FAM184B: variants seen among roughly 807,000 people sequenced by gnomAD.
The protein encoded by FAM184B is protein FAM184B.
Under a neutral mutation model 135.9 loss-of-function variants are expected in FAM184B, and 111 were observed. The ratio of observed to expected loss-of-function variants is 0.82; its 90% CI spans 0.70 to 0.96. The LOEUF (loss-of-function observed/expected upper bound fraction) is 0.96, where lower values mean the gene tolerates loss of function less well. FAM184B is among the 40% of genes least tolerant of loss of function. FAM184B has a pLI of 0.00. For synonymous variants in FAM184B, 552 were observed against 524.8 expected, an observed-to-expected ratio of 1.05 and a Z score of -0.71; for missense variants, 1,375 against 1,323.9, an observed-to-expected ratio of 1.04 and a Z score of -0.60.
At position 17,734,372 on chromosome 4, in the gene FAM184B, A is replaced by G. The variant is rs917090716; in HGVS notation, c.142-24728T>C. Among the ~76,000 whole-genome samples the G allele has an allele frequency of 9.2e-3, 1,402 of 152,268 alleles. 23 individuals are homozygous for G. The highest frequency in any genetic ancestry group is 0.031 in the African/African-American group (1,285 of 41,544). ...AAAGAGCTTCTGCACAGCAAAAGAA[A>G]CTACCATCAGAGTGAACAGGCAACC... On this transcript the variant is annotated intron_variant, in intron 1 of 17. Coordinates refer to ENST00000265018, the MANE Select transcript of FAM184B (RefSeq NM_015688.2).
At chr4:17,661,563 A>G (rs1715921673) in intron 8 of FAM184B, among the ~76,000 whole-genome samples, 1 of 152,176 alleles carries the variant, frequency 6.6e-6, no homozygotes, top group South Asian at 2.1e-4. Flanking sequence ...CAAACAAACA[A>G]ACAAATAAAA....
intron 1 of FAM184B, among the ~76,000 whole-genome samples, chr4:17,762,228 T>C (rs1445991672): frequency 6.6e-6 from 1 of 152,214 alleles, no homozygotes; most frequent in Non-Finnish European, 1.5e-5. Context: ...GGATCCCCTA[T>C]GAGATGATAA....
intron 1 of FAM184B, among the ~76,000 whole-genome samples, chr4:17,730,776 A>G (rs751837129): frequency 5.2e-4 from 79 of 152,358 alleles, no homozygotes; most frequent in Non-Finnish European, 9.8e-4. Flanking sequence ...GCTTCAGACG[A>G]TCAAACTACT....
chr4:17,681,016 G>A (rs1327200574), intron 7 of FAM184B, among the ~76,000 whole-genome samples: 2 of 152,216 alleles, frequency 1.3e-5, no homozygotes. Context: ...GACTGTAATA[G>A]ATACTATAAA....
chr4:17,747,712 G>A (rs2108986576), intron 1 of FAM184B, among the ~76,000 whole-genome samples: 1 of 151,990 alleles, frequency 6.6e-6, no homozygotes, highest in East Asian at 1.9e-4. Context: ...ATGAGGTCAG[G>A]AGATCGAGAC....
chr4:17,677,044 C>T (rs1716326339), intron 7 of FAM184B, among the ~76,000 whole-genome samples: 1 of 152,082 alleles, frequency 6.6e-6, no homozygotes, highest in Admixed American at 6.6e-5. Flanking sequence ...AAATAGTTGG[C>T]TGAATGAGTA....
At chr4:17,638,487 C>T (rs1411968556) in intron 14 of FAM184B, among the ~76,000 whole-genome samples, 1 of 152,012 alleles carries the variant, frequency 6.6e-6, no homozygotes. Context: ...CAGGCATGAG[C>T]CACCAAGCAC....
chr4:17,729,575 G>T (rs1717726427), intron 1 of FAM184B, among the ~76,000 whole-genome samples: 1 of 152,254 alleles, frequency 6.6e-6, no homozygotes, highest in African/African-American at 2.4e-5. Flanking sequence ...TCAGGCAGCA[G>T]CATTTGCGGT....
Position 17,705,085 on chromosome 4 carries a change from C to A in FAM184B, c.1292G>T (p.Arg431Leu). 1.3e-6 allele frequency: 2 copies of A among 1,551,726 alleles called. No homozygotes were observed. Among genetic ancestry groups the A allele is most frequent in the Non-Finnish European group, 1.7e-6 (2 of 1,147,004 alleles). ...KKHLKDQLVK[R>L]LEDLVKKHTV... Reference sequence around the variant, plus strand: ...GTGCTTCTTTACCAAGTCTTCTAGTCGCTTCACTAGCTGGTCTTTGAGATG... The same window carrying A: ...GTGCTTCTTTACCAAGTCTTCTAGTAGCTTCACTAGCTGGTCTTTGAGATG... Residue 431 changes from arginine (R) to leucine (L), a missense_variant, in exon 5 of 18, where the codon CGA becomes CTA. Transcript: ENST00000265018.
chr4:17,692,274 G>C (rs1056289431), intron 6 of FAM184B, among the ~76,000 whole-genome samples: 5 of 152,180 alleles, frequency 3.3e-5, no homozygotes, highest in East Asian at 1.9e-4. Context: ...ATAGAGAAAG[G>C]CTTCTTTGCT....
chr4:17,763,720 G>A (rs1718596329), intron 1 of FAM184B, among the ~76,000 whole-genome samples: 1 of 152,086 alleles, frequency 6.6e-6, no homozygotes, highest in Non-Finnish European at 1.5e-5. Flanking sequence ...CCCACATAAA[G>A]AGCTGTATTG....
At position 17,632,354 on chromosome 4, in the gene FAM184B, C is replaced by T. The variant is rs1163443008; in HGVS notation, c.*178G>A. On this transcript the variant is annotated 3_prime_UTR_variant, in exon 18 of 18. Transcript: ENST00000265018. ...CCTCCCAAAGTGATGGGATTACAGG[C>T]GTGAGCTGCTGTGCCTGGCAGAACA... 1.1e-5 allele frequency: 5 copies of T among 470,440 alleles called. No individual in the cohort carries two copies. The highest frequency in any genetic ancestry group is 3.9e-5 in the African/African-American group (2 of 50,976). 29.1% of individuals were successfully genotyped at this position (470,440 alleles called of 1,614,324 possible).
At chr4:17,717,747 A>G (rs1299549998) in intron 1 of FAM184B, among the ~76,000 whole-genome samples, 1 of 152,076 alleles carries the variant, frequency 6.6e-6, no homozygotes, top group African/African-American at 2.4e-5. Context: ...TCCTGATGAC[A>G]GTTTTCATCA....
chr4:17,644,995 G>A (rs886902770), intron 12 of FAM184B, among the ~76,000 whole-genome samples: 2 of 152,144 alleles, frequency 1.3e-5, no homozygotes, highest in African/African-American at 4.8e-5. Flanking sequence ...TTGCTTCAAA[G>A]AGAATAAAAT....
intron 10 of FAM184B, among the ~76,000 whole-genome samples, chr4:17,657,799 G>A (rs1009559789): frequency 6.6e-6 from 1 of 151,804 alleles, no homozygotes; most frequent in Non-Finnish European, 1.5e-5. Context: ...TGGGATTACA[G>A]GCACCTGCCA....
At chr4:17,639,565 A>G (rs2302394) in intron 13 of FAM184B, among the ~76,000 whole-genome samples, 169 bp from the exon 14 acceptor site, 108,515 of 152,018 alleles carry the variant, frequency 0.71, 39,614 homozygotes, top group East Asian at 0.93. Context: ...TGAGTTGTGG[A>G]GTCCAGGACA....
At chr4:17,739,602 G>A (rs1429936956) in intron 1 of FAM184B, among the ~76,000 whole-genome samples, 3 of 115,756 alleles carry the variant, frequency 2.6e-5, no homozygotes, top group South Asian at 2.9e-4. Context: ...CTCCCAGGCT[G>A]GAGTGCAGTG....
At chr4:17,731,525 A>G (rs1320624686) in intron 1 of FAM184B, among the ~76,000 whole-genome samples, 1 of 152,204 alleles carries the variant, frequency 6.6e-6, no homozygotes, top group East Asian at 1.9e-4. Context: ...AGGGATTGCA[A>G]TCCTAGTCTC....
intron 1 of FAM184B, among the ~76,000 whole-genome samples, chr4:17,748,505 ATTTTTTTTTTT>A (rs34998803): frequency 5.1e-5 from 5 of 98,576 alleles, no homozygotes; most frequent in Non-Finnish European, 7.5e-5. Flanking sequence ...CTCTTGTGTA[ATTTTTTTTTTT>A]TTTTTTTTTT....
Sources: allele counts gnomAD v4.1 joint callset (sites outside exome capture counted in the v4.1 genomes callset), GRCh38; gene constraint gnomAD v4.1.1; transcripts MANE v1.5; gene names NCBI Gene and HGNC (gene_info 2026-07-23, HGNC 2026-07-21).